The following KIAA1958 variants were observed in gnomAD, a reference collection of about 807,000 sequenced individuals.
KIAA1958 encodes KIAA1958, also known as uncharacterized protein KIAA1958.
Under a neutral mutation model 47.2 loss-of-function variants are expected in KIAA1958, and 14 were observed. That is an observed-to-expected ratio of 0.30 (90% CI 0.20 to 0.46). The LOEUF is 0.46. Among genes scored for constraint, KIAA1958 ranks in the 20% least tolerant of loss-of-function variants. KIAA1958 has a pLI of 1.00. For synonymous variants in KIAA1958, 354 were observed against 353.3 expected (o/e 1.00, Z -0.02); for missense variants, 803 against 909.2 (o/e 0.88, Z 1.50).
At chr9:112,535,443 C>T (rs1834837088) in intron 1 of KIAA1958, among the ~76,000 whole-genome samples, 1 of 152,110 alleles carries the variant, frequency 6.6e-6, no homozygotes. Context: ...TATTAGCAGT[C>T]CATTGTATAA....
chr9:112,637,373 C>G (rs1020550872), intron 2 of KIAA1958, among the ~76,000 whole-genome samples: 3 of 151,842 alleles, frequency 2.0e-5, no homozygotes, highest in Non-Finnish European at 2.9e-5. Flanking sequence ...TGCATTTTAC[C>G]TTTATTTTTA....
chr9:112,512,489 T>C (rs189531815), intron 1 of KIAA1958, among the ~76,000 whole-genome samples: 1 of 152,098 alleles, frequency 6.6e-6, no homozygotes, highest in Non-Finnish European at 1.5e-5. Flanking sequence ...AACTGTGGAA[T>C]AAAAGAGATC....
chr9:112,592,717 T>A (rs1835945131), intron 2 of KIAA1958, among the ~76,000 whole-genome samples: 1 of 152,216 alleles, frequency 6.6e-6, no homozygotes, highest in South Asian at 2.1e-4. Flanking sequence ...AACACCTTAA[T>A]AGAAGAGAGG....
intron 3 of KIAA1958, among the ~76,000 whole-genome samples, chr9:112,652,422 C>T (rs995150440): frequency 2.6e-5 from 4 of 152,112 alleles, no homozygotes; most frequent in Non-Finnish European, 5.9e-5. Flanking sequence ...GCAAACAACA[C>T]GGGCCAGAAT....
At chr9:112,524,334 C>A (rs1416867691) in intron 1 of KIAA1958, among the ~76,000 whole-genome samples, 1 of 152,198 alleles carries the variant, frequency 6.6e-6, no homozygotes, top group Non-Finnish European at 1.5e-5. Context: ...CAGCCATTTA[C>A]AAATTCATGG....
chr9:112,623,686 T>G (rs1415726204), intron 2 of KIAA1958, among the ~76,000 whole-genome samples: 1 of 152,208 alleles, frequency 6.6e-6, no homozygotes, highest in Non-Finnish European at 1.5e-5. Flanking sequence ...AAAAAACACC[T>G]AACTTTGTCA....
intron 1 of KIAA1958, among the ~76,000 whole-genome samples, chr9:112,493,317 T>G (rs1834002145): frequency 6.6e-6 from 1 of 152,206 alleles, no homozygotes; most frequent in Non-Finnish European, 1.5e-5. Flanking sequence ...CGACTGGATA[T>G]ATTCACTTAA....
chr9:112,617,835 C>T, intron 2 of KIAA1958: 2 of 1,488,890 alleles, frequency 1.3e-6, no homozygotes, highest in Middle Eastern at 1.8e-4. Context: ...AACTCATCAA[C>T]ACCCTCTCTA....
At chr9:112,560,200 T>TTC (rs1588017951) in intron 1 of KIAA1958, among the ~76,000 whole-genome samples, 2 of 121,354 alleles carry the variant, frequency 1.6e-5, no homozygotes, top group South Asian at 2.8e-4. Flanking sequence ...TTCTTTTTCT[T>TTC]TTTTTTTCTT....
At position 112,488,224 on chromosome 9, in the gene KIAA1958, C is replaced by T. The variant is rs141365358; in HGVS notation, c.-25+1106C>T. 7.6e-4 allele frequency among the ~76,000 whole-genome samples: 116 copies of T among 152,222 alleles called. 2 individuals carry two copies. The highest frequency in any genetic ancestry group is 2.5e-3 in the South Asian group (12 of 4,826). On this transcript the variant is annotated intron_variant, in intron 1 of 3. Coordinates refer to ENST00000337530, the MANE Select transcript of KIAA1958 (RefSeq NM_133465.4). Reference sequence around the variant, plus strand: ...CCATGAATGTCAGAATTGAGTTTCCCCTCTAGGATTGTGCCTTTACTATTT... The same window carrying T: ...CCATGAATGTCAGAATTGAGTTTCCTCTCTAGGATTGTGCCTTTACTATTT...
Position 112,665,750 on chromosome 9 carries a change from A to G in KIAA1958, c.*5681A>G, listed in dbSNP as rs555538939. The G allele has an allele frequency of 6.6e-6, 1 of 152,166 alleles. No homozygotes were observed. Among genetic ancestry groups the G allele is most frequent in the Non-Finnish European group, 1.5e-5 (1 of 68,030 alleles). The allele number at this position is 152,166 out of a possible 1,614,324, so 9.4% of individuals were successfully genotyped here. A position where few individuals can be genotyped will look rare whatever the true frequency, so the allele number is the denominator to read the frequency against. On this transcript the variant is annotated 3_prime_UTR_variant, in exon 4 of 4. Transcript: ENST00000337530. ...ACTGGGAACCTTCTGTCTTTATCCA[A>G]TAAGTAATTTATATTACCTGTCATC...
chr9:112,502,891 A>T (rs568599506), intron 1 of KIAA1958, among the ~76,000 whole-genome samples: 1 of 152,376 alleles, frequency 6.6e-6, no homozygotes, highest in African/African-American at 2.4e-5. Context: ...CAGTAGGGGA[A>T]TTATTGGCTA....
intron 1 of KIAA1958, among the ~76,000 whole-genome samples, chr9:112,539,891 A>G (rs1166565218): frequency 6.6e-6 from 1 of 151,992 alleles, no homozygotes; most frequent in Admixed American, 6.5e-5. Flanking sequence ...GGGTTTCACC[A>G]TGTTGGCCAG....
At chr9:112,586,012 G>T (rs1435649092) in intron 2 of KIAA1958, among the ~76,000 whole-genome samples, 1 of 152,206 alleles carries the variant, frequency 6.6e-6, no homozygotes, top group Non-Finnish European at 1.5e-5. Flanking sequence ...CATGGTTCCT[G>T]TTCTCATGCT....
At chr9:112,547,773 T>G (rs1835065421) in intron 1 of KIAA1958, among the ~76,000 whole-genome samples, 1 of 152,144 alleles carries the variant, frequency 6.6e-6, no homozygotes, top group African/African-American at 2.4e-5. Flanking sequence ...CTTTCCCTGG[T>G]CCAGGAGAGA....
At chr9:112,524,007 A>ACC (rs1203139803) in intron 1 of KIAA1958, among the ~76,000 whole-genome samples, 3 of 152,004 alleles carry the variant, frequency 2.0e-5, no homozygotes, top group African/African-American at 7.3e-5. Context: ...GTGTGCATGC[A>ACC]CCCCTCATCC....
chr9:112,604,278 CTTAACTCAGGCTATCCTG>C (rs1490660959), intron 2 of KIAA1958, among the ~76,000 whole-genome samples: 1 of 152,178 alleles, frequency 6.6e-6, no homozygotes, highest in East Asian at 1.9e-4. Context: ...TGGATAAAAA[CTTAACTCAGGCTATCCTG>C]AGCCAGTGCT....
In KIAA1958 at chr9:112,659,466, G is replaced by A; in HGVS notation, c.1548G>A (p.Val516=). The change falls in exon 4 of 4, where the codon GTG becomes GTA. Residue 516 remains valine (V), a synonymous_variant. Coordinates refer to ENST00000337530, the MANE Select transcript of KIAA1958 (RefSeq NM_133465.4). ...STKKLKEKLW[V]LSKAGMSGAR... ...AGAAACTCAAGGAGAAGCTGTGGGT[G>A]CTGAGTAAGGCAGGCATGTCGGGCG... 1 of 1,613,872 alleles carries A rather than the reference G, an allele frequency of 6.2e-7. No homozygotes were observed. Among genetic ancestry groups the A allele is most frequent in the Non-Finnish European group, 8.5e-7 (1 of 1,179,884 alleles).
intron 2 of KIAA1958, among the ~76,000 whole-genome samples, chr9:112,589,485 G>T (rs1386322161): frequency 6.6e-6 from 1 of 152,134 alleles, no homozygotes; most frequent in Non-Finnish European, 1.5e-5. Flanking sequence ...CCAGCTACTC[G>T]GGAGGCTGAG....
Sources: allele counts gnomAD v4.1 joint callset (sites outside exome capture counted in the v4.1 genomes callset), GRCh38; gene constraint gnomAD v4.1.1; transcripts MANE v1.5; gene names NCBI Gene and HGNC (gene_info 2026-07-23, HGNC 2026-07-21).